Variants in COQ4 observed in about 807,000 individuals in gnomAD.
COQ4 encodes ubiquinone biosynthesis protein COQ4 homolog, mitochondrial.
Under a neutral mutation model 30.2 loss-of-function variants are expected in COQ4, and 36 were observed. The observed-to-expected ratio is 1.19, with a 90% confidence interval of 0.91 to 1.57. The LOEUF (loss-of-function observed/expected upper bound fraction) is 1.57, where lower values mean the gene tolerates loss of function less well. Ranked by LOEUF, COQ4 falls within the 40% of genes most tolerant of loss-of-function variation. The pLI is 0.00. For missense variants in COQ4, 369 were observed against 371.9 expected (o/e 0.99, Z 0.07); for synonymous variants, 197 against 161.0 (o/e 1.22, Z -1.69).
intron 4 of COQ4, chr9:128,330,855 TGAGAC>T (rs1832395672): frequency 6.6e-6 from 1 of 150,506 alleles, no homozygotes; most frequent in Non-Finnish European, 1.5e-5. Context: ...TTTTTTTTTT[TGAGAC>T]GAAGTCTCAC....
chr9:128,329,407 C>T (rs775393368), intron 4 of COQ4, among the ~76,000 whole-genome samples: 2 of 152,080 alleles, frequency 1.3e-5, no homozygotes, highest in South Asian at 4.1e-4. Context: ...TTTTGAGTCT[C>T]GCTCTGTCAC....
rs140769318 is a variant in COQ4, at chr9:128,326,729, C to T, written c.402+848C>T. Among the ~76,000 whole-genome samples the T allele has an allele frequency of 3.3e-4, 51 of 152,272 alleles. No individual in the cohort carries two copies. The East Asian group carries it at 9.1e-3, about 27-fold the overall frequency. On this transcript the variant is annotated intron_variant, in intron 4 of 6. Transcript: ENST00000300452. Reference sequence around the variant, plus strand: ...AAGTGCTGGGATTACAGGCGTGAGCCACAGCGCCCGGCCCATCCTTTTTGT... The same window carrying T: ...AAGTGCTGGGATTACAGGCGTGAGCTACAGCGCCCGGCCCATCCTTTTTGT...
At chr9:128,332,738 C>A in intron 5 of COQ4, 112 bp from the exon 6 acceptor site, 1 of 865,198 alleles carries the variant, frequency 1.2e-6, no homozygotes, top group South Asian at 1.4e-5. Context: ...CTGGGCACAG[C>A]TGACCCCGTA....
In COQ4 at chr9:128,322,841, C is replaced by T. The variant is rs1020814072; in HGVS notation, c.-18C>T. 5 of 1,536,064 alleles carry T rather than the reference C, an allele frequency of 3.3e-6. No homozygotes were observed. In the African/African-American group the frequency reaches 5.5e-5, roughly 17 times the overall value. On this transcript the variant is annotated 5_prime_UTR_variant, in exon 1 of 7. Transcript: ENST00000300452. Reference sequence around the variant, plus strand: ...GGCGTTCTTCGTACCCGCCCATCCTCCGCGGACGCCCGCTGCCATGGCGAC... The same window carrying T: ...GGCGTTCTTCGTACCCGCCCATCCTTCGCGGACGCCCGCTGCCATGGCGAC...
At chr9:128,329,342 A>G (rs897701966) in intron 4 of COQ4, among the ~76,000 whole-genome samples, 16 of 152,052 alleles carry the variant, frequency 1.1e-4, no homozygotes, top group African/African-American at 3.9e-4. Context: ...ATCTTGGGCA[A>G]ATTACTTTAT....
chr9:128,325,682 G>C (rs1564390758), intron 3 of COQ4, 97 bp from the exon 4 acceptor site: 5 of 916,620 alleles, frequency 5.5e-6, no homozygotes, highest in Non-Finnish European at 8.7e-6. Flanking sequence ...TGGCCACATT[G>C]CTCCTCTGTA....
At chr9:128,324,796 C>T (rs1433859377) in intron 2 of COQ4, among the ~76,000 whole-genome samples, 2 of 152,174 alleles carry the variant, frequency 1.3e-5, no homozygotes, top group African/African-American at 2.4e-5. Context: ...TACTAGGTCA[C>T]CTAGATAGTG....
chr9:128,333,037 G>A (rs2131236218), intron 6 of COQ4, 94 bp downstream of exon 6: 6 of 904,170 alleles, frequency 6.6e-6, no homozygotes, highest in South Asian at 2.7e-5. Flanking sequence ...AAGAGCACAC[G>A]GGCCCCTGCA....
intron 4 of COQ4, chr9:128,330,306 G>C (rs569019222): frequency 6.6e-6 from 1 of 151,602 alleles, no homozygotes; most frequent in Non-Finnish European, 1.5e-5. Context: ...CCGGGAGGAG[G>C]AGATTGCAGT....
At chr9:128,332,583 G>C (rs1035274674) in intron 5 of COQ4, 1 of 585,162 alleles carries the variant, frequency 1.7e-6, no homozygotes, top group Admixed American at 3.0e-5. Context: ...AACCATCCTG[G>C]AGTGTTTAGC....
chr9:128,332,620 T>A, intron 5 of COQ4: 1 of 594,652 alleles, frequency 1.7e-6, no homozygotes, highest in South Asian at 2.0e-5. Flanking sequence ...TGGGGTCCTC[T>A]GCGCCCTGAC....
chr9:128,323,908 G>C (rs897886897), intron 2 of COQ4, among the ~76,000 whole-genome samples: 1 of 152,212 alleles, frequency 6.6e-6, no homozygotes, highest in Admixed American at 6.5e-5. Context: ...TTGCGCCATT[G>C]CACTCCAGCC....
intron 4 of COQ4, among the ~76,000 whole-genome samples, chr9:128,327,855 CA>C (rs946896821): frequency 3.5e-4 from 53 of 152,320 alleles, no homozygotes; most frequent in African/African-American, 1.3e-3. Context: ...ATACAGTGGA[CA>C]AAACCAGCAA....
At chr9:128,333,134 G>A (rs928394033) in intron 6 of COQ4, among the ~76,000 whole-genome samples, 191 bp downstream of exon 6, 17 of 152,300 alleles carry the variant, frequency 1.1e-4, no homozygotes, top group Admixed American at 7.2e-4. Context: ...CTTCAAGTGA[G>A]CAAATAAAGC....
At chr9:128,323,456 A>C in intron 2 of COQ4, 1 of 472,868 alleles carries the variant, frequency 2.1e-6, no homozygotes, top group Non-Finnish European at 3.7e-6. Context: ...AGTTTATAAT[A>C]TCCTACTAGA....
rs947034369 is a variant in COQ4 at position 128,333,494 on chromosome 9, C to T, written c.647C>T (p.Ser216Leu). 7.1e-6 allele frequency: 11 copies of T among 1,551,628 alleles called. No homozygotes were observed. The highest frequency in any genetic ancestry group is 4.2e-5 in the African/African-American group (3 of 72,140). ...CACAGGAGCCTGCAAGTGCTGGTCTCGGAGTTGATCCCATGGGCCGTTCAG... is the reference window on the plus strand; with the variant it reads ...CACAGGAGCCTGCAAGTGCTGGTCTTGGAGTTGATCCCATGGGCCGTTCAG... ...LGAQSLQVLV[S>L]ELIPWAVQNG... Residue 216 changes from serine (S) to leucine (L), a missense_variant, in exon 7 of 7, where the codon TCG (serine) becomes TTG (leucine). Transcript: ENST00000300452.
At position 128,326,690 on chromosome 9, in the gene COQ4, G is replaced by A. The variant is rs1389953778; in HGVS notation, c.402+809G>A. ...GATCTCCTGACCACGTGATCCGCCCGCATCAGCCTCCCAAAGTGCTGGGAT... is the reference window on the plus strand; with the variant it reads ...GATCTCCTGACCACGTGATCCGCCCACATCAGCCTCCCAAAGTGCTGGGAT... On this transcript the variant is annotated intron_variant, in intron 4 of 6. Transcript: ENST00000300452. Among the ~76,000 whole-genome samples the A allele has an allele frequency of 2.0e-5, 3 of 152,110 alleles. No homozygotes were observed. In the South Asian group the frequency reaches 6.2e-4, roughly 32 times the overall value.
chr9:128,332,064 TGA>T, intron 4 of COQ4, 87 bp from the exon 5 acceptor site: 1 of 1,427,086 alleles, frequency 7.0e-7, no homozygotes, highest in South Asian at 1.3e-5. Flanking sequence ...ATGAGTTAGG[TGA>T]GAGTTGTGAC....
chr9:128,324,188 A>G (rs896379108), intron 2 of COQ4, among the ~76,000 whole-genome samples: 1 of 152,106 alleles, frequency 6.6e-6, no homozygotes, highest in African/African-American at 2.4e-5. Flanking sequence ...TATGTTGCCC[A>G]GGCTGGTCTC....
Sources: allele counts gnomAD v4.1 joint callset (sites outside exome capture counted in the v4.1 genomes callset), GRCh38; gene constraint gnomAD v4.1.1; transcripts MANE v1.5; gene names NCBI Gene and HGNC (gene_info 2026-07-23, HGNC 2026-07-21).